Variants in ERMP1 observed in about 807,000 individuals in gnomAD.
ERMP1 encodes endoplasmic reticulum metallopeptidase 1, also known as Felix-ina.
A neutral mutation model predicts 92.0 loss-of-function variants in ERMP1; 86 were observed. That is an observed-to-expected ratio of 0.93 (90% confidence interval 0.79 to 1.12). The LOEUF is 1.12. ERMP1 is among the 50% of genes most tolerant of loss of function. ERMP1 has a pLI of 0.00. For missense variants in ERMP1, 1,342 were observed against 1,116.3 expected (o/e 1.20, Z -2.88); for synonymous variants, 530 against 412.8 (o/e 1.28, Z -3.44).
chr9:5,794,246 A>G (rs1400122865), intron 13 of ERMP1, among the ~76,000 whole-genome samples: 1 of 152,170 alleles, frequency 6.6e-6, no homozygotes, highest in Non-Finnish European at 1.5e-5. Context: ...AAACTAAATT[A>G]AAATGAAAAT....
At chr9:5,806,089 T>G (rs188319390) in intron 8 of ERMP1, among the ~76,000 whole-genome samples, 151 of 152,330 alleles carry the variant, frequency 9.9e-4, no homozygotes, top group Non-Finnish European at 2.0e-3. Flanking sequence ...AGGACTCTCC[T>G]AAAAAACAAT....
chr9:5,858,095 T>C (rs1539451), intron 6 of ERMP1, among the ~76,000 whole-genome samples: 144,699 of 152,238 alleles, frequency 0.95, 69,110 homozygotes, highest in East Asian at 1. Context: ...GGAAGGTTAG[T>C]GCTCTCATAG....
intron 4 of ERMP1, among the ~76,000 whole-genome samples, chr9:5,813,361 G>C (rs1260393856): frequency 1.3e-5 from 2 of 152,086 alleles, no homozygotes; most frequent in East Asian, 1.9e-4. Context: ...ATGTAGAATT[G>C]TGTGTATATA....
intron 1 of ERMP1, 37 bp downstream of exon 1, chr9:5,832,653 G>T: frequency 7.4e-7 from 1 of 1,358,468 alleles, no homozygotes; most frequent in African/African-American, 1.5e-5. Flanking sequence ...AGCCGCAAAC[G>T]GACGCGCGGG....
chr9:5,815,867 A>G (rs1829284428), intron 4 of ERMP1, among the ~76,000 whole-genome samples: 1 of 152,190 alleles, frequency 6.6e-6, no homozygotes, highest in South Asian at 2.1e-4. Context: ...TACAAAAGGA[A>G]AAAGAACTAT....
intron 3 of ERMP1, among the ~76,000 whole-genome samples, chr9:5,824,631 G>C (rs913689104): frequency 3.9e-5 from 6 of 152,044 alleles, no homozygotes; most frequent in Non-Finnish European, 8.8e-5. Context: ...TCAAACTCCT[G>C]ACCTCGTGAT....
intron 9 of ERMP1, 65 bp from the exon 10 acceptor site, chr9:5,805,282 G>T: frequency 8.0e-7 from 1 of 1,251,708 alleles, no homozygotes; most frequent in Non-Finnish European, 1.1e-6. Flanking sequence ...AATTTTTATA[G>T]TACTGGTGTG....
At chr9:5,840,461 T>G (rs1056422977) in intron 6 of ERMP1, among the ~76,000 whole-genome samples, 1 of 152,258 alleles carries the variant, frequency 6.6e-6, no homozygotes, top group African/African-American at 2.4e-5. Context: ...AGATCACCCC[T>G]CCTGCAGCTT....
intron 6 of ERMP1, among the ~76,000 whole-genome samples, chr9:5,850,042 A>T (rs1174796527): frequency 1.3e-5 from 2 of 152,198 alleles, no homozygotes; most frequent in Non-Finnish European, 2.9e-5. Context: ...AAACAAACCC[A>T]GAGTGTTTAA....
chr9:5,835,000 T>TGA (rs1830074320), upstream of ERMP1, among the ~76,000 whole-genome samples: 1 of 150,814 alleles, frequency 6.6e-6, no homozygotes, highest in Admixed American at 6.6e-5. Context: ...TGTGTGTGTG[T>TGA]GTGTGTGTGT....
chr9:5,847,377 C>G (rs1830250092), intron 6 of ERMP1, among the ~76,000 whole-genome samples: 1 of 151,962 alleles, frequency 6.6e-6, no homozygotes, highest in African/African-American at 2.4e-5. Context: ...TAGCTAGGAC[C>G]ACAGGGGCAT....
rs369191414 is a variant in ERMP1, at chr9:5,787,250, G to C, written c.2609C>G (p.Ser870Cys). Reference sequence around the variant, plus strand: ...TTGAGGGGATCTCTTGTCTTCCCCAGACAGATAGTGGGCAGCAATGGCCAC... The same window carrying C: ...TTGAGGGGATCTCTTGTCTTCCCCACACAGATAGTGGGCAGCAATGGCCAC... ...VTVAIAAHYL[S>C]GEDKRSPQLD... The change falls in exon 15 of 15, where the codon TCT becomes TGT. Residue 870 changes from serine (S) to cysteine (C), a missense_variant. Ser to Cys is a moderately radical substitution (Grantham distance 112). Transcript: ENST00000339450. 49 of 1,613,956 alleles carry C rather than the reference G, an allele frequency of 3.0e-5. No homozygotes were observed. Among genetic ancestry groups the C allele is most frequent in the African/African-American group, 1.9e-4 (14 of 74,926 alleles).
intron 6 of ERMP1, among the ~76,000 whole-genome samples, chr9:5,851,268 T>C (rs1175817698): frequency 6.6e-6 from 1 of 152,254 alleles, no homozygotes; most frequent in Non-Finnish European, 1.5e-5. Context: ...CCTTATGGCA[T>C]ACATTTGCTA....
chr9:5,825,269 A>G (rs765769432), intron 2 of ERMP1, 50 bp from the exon 3 acceptor site: 5 of 1,569,218 alleles, frequency 3.2e-6, no homozygotes, highest in Admixed American at 3.7e-5. Context: ...AATGTTTACA[A>G]TATGACCCAT....
chr9:5,810,039 T>C lies in ERMP1; in HGVS notation c.1520A>G (p.His507Arg). Residue 507 changes from histidine to arginine, a missense_variant, in exon 8 of 15, where the codon CAT (histidine) becomes CGT (arginine). Coordinates refer to ENST00000339450, the MANE Select transcript of ERMP1 (RefSeq NM_024896.3). Reference sequence around the variant, plus strand: ...GTAATAAAATCTTTTCGCAAGAGTATGTATAAGTATTATTTTGGCTACAGT... The same window carrying C: ...GTAATAAAATCTTTTCGCAAGAGTACGTATAAGTATTATTTTGGCTACAGT... ...TATVAKIILIHTLAKRFYYMN... is the reference protein window; with the variant it reads ...TATVAKIILIRTLAKRFYYMN... 6.2e-7 allele frequency: 1 copy of C among 1,611,914 alleles called. No homozygotes were observed. The highest frequency in any genetic ancestry group is 8.5e-7 in the Non-Finnish European group (1 of 1,178,154).
At position 5,838,263 on chromosome 9, in the gene ERMP1, A is replaced by G. The variant is rs145312288; in HGVS notation, n.3200-4951T>C. Among the ~76,000 whole-genome samples, 596 of 152,300 alleles carry G rather than the reference A, an allele frequency of 3.9e-3. 6 individuals are homozygous for G. The highest frequency in any genetic ancestry group is 0.014 in the African/African-American group (563 of 41,560). ...AGGAGCCTTAAAAGAATTCACAGGC[A>G]GGGTGCAGTAGCTCATGCCTATAAC... On this transcript the variant is annotated intron_variant and non_coding_transcript_variant, in intron 6 of 6. Coordinates refer to the ERMP1 transcript ENST00000690753.
rs768998842 is a variant in ERMP1, at chr9:5,798,985, G to C, written c.2091C>G (p.Asp697Glu). 16 of 1,613,288 alleles carry C rather than the reference G, an allele frequency of 9.9e-6. No individual in the cohort carries two copies. In the East Asian group the frequency reaches 3.1e-4, roughly 31 times the overall value. The change falls in exon 12 of 15, where the codon GAC becomes GAG. Residue 697 changes from aspartate (D) to glutamate (E), a missense_variant. Asp to Glu is a conservative substitution (Grantham distance 45). Transcript: ENST00000339450. Reference sequence around the variant, plus strand: ...CCCGTTTAACTGCATTTCCTTCCAAGTCATGGAATGTTCTAGTCATATGCT... The same window carrying C: ...CCCGTTTAACTGCATTTCCTTCCAACTCATGGAATGTTCTAGTCATATGCT... ...FLQHMTRTFH[D>E]LEGNAVKRDS...
intron 2 of ERMP1, 30 bp downstream of exon 2, chr9:5,830,697 G>T (rs1205201894): frequency 1.3e-6 from 2 of 1,564,226 alleles, no homozygotes; most frequent in Non-Finnish European, 1.7e-6. Context: ...GCTGTGACAA[G>T]TTCCAAATGA....
chr9:5,842,434 C>CAAAAAAAAAAAAAAA (rs57411750), intron 6 of ERMP1, among the ~76,000 whole-genome samples: 1 of 107,888 alleles, frequency 9.3e-6, no homozygotes, highest in Non-Finnish European at 1.9e-5. Flanking sequence ...GAGACTGTCT[C>CAAAAAAAAAAAAAAA]AAAAAAAAAA....
Sources: allele counts gnomAD v4.1 joint callset (sites outside exome capture counted in the v4.1 genomes callset), GRCh38; gene constraint gnomAD v4.1.1; transcripts MANE v1.5; gene names NCBI Gene and HGNC (gene_info 2026-07-23, HGNC 2026-07-21).